The following CRPPA variants were observed in gnomAD, a reference collection of about 807,000 sequenced individuals.
CRPPA encodes D-ribitol-5-phosphate cytidylyltransferase.
In CRPPA, 43 loss-of-function variants were observed where a neutral mutation model predicts 52.0. The observed-to-expected ratio is 0.83, with a 90% CI of 0.65 to 1.07. The LOEUF (loss-of-function observed/expected upper bound fraction) is 1.07. CRPPA is among the 50% of genes least tolerant of loss of function. CRPPA has a pLI of 0.00. For synonymous variants in CRPPA, 250 were observed against 203.5 expected (o/e 1.23, Z -1.94); for missense variants, 629 against 551.7 (o/e 1.14, Z -1.40).
In CRPPA at chr7:16,259,001, G is replaced by A. The variant is rs1554300356; in HGVS notation, c.945C>T (p.Val315=). 1 of 1,608,224 alleles carries A rather than the reference G, an allele frequency of 6.2e-7. No homozygotes were observed. Among genetic ancestry groups the A allele is most frequent in the Non-Finnish European group, 8.5e-7 (1 of 1,176,738 alleles). The stretch of plus-strand genomic sequence containing the variant: ...CAGCATGACCCAGAGCCTCAGATGT[G>A]ACTTTTACATGCTAGTAGGAAAAAA... ...VLKSELNHVK[V]TSEALGHAGR... is the part of the protein sequence containing the mutation. The change falls in exon 7 of 10, where the codon GTC becomes GTT. Residue 315 remains valine (V), a synonymous_variant. Transcript: ENST00000407010.
chr7:16,231,253 C>G (rs964728915), intron 8 of CRPPA, among the ~76,000 whole-genome samples: 2 of 152,158 alleles, frequency 1.3e-5, no homozygotes, highest in African/African-American at 4.8e-5. Flanking sequence ...TACTACCATG[C>G]TACAGCTAGG....
At chr7:16,222,348 G>A (rs1276053102) in intron 8 of CRPPA, among the ~76,000 whole-genome samples, 1 of 147,290 alleles carries the variant, frequency 6.8e-6, no homozygotes, top group East Asian at 2.0e-4. Context: ...AATGCTAGAT[G>A]ACGAGTTAGT....
At chr7:16,233,930 C>T (rs866088136) in intron 8 of CRPPA, among the ~76,000 whole-genome samples, 1 of 151,924 alleles carries the variant, frequency 6.6e-6, no homozygotes, top group African/African-American at 2.4e-5. Context: ...CTGCTGGGTC[C>T]GTTTAATTGA....
intron 3 of CRPPA, among the ~76,000 whole-genome samples, chr7:16,340,662 C>A (rs1785801088): frequency 6.6e-6 from 1 of 150,460 alleles, no homozygotes; most frequent in Non-Finnish European, 1.5e-5. Context: ...TGGCAAGAAT[C>A]CAGAATAGTA....
intron 8 of CRPPA, among the ~76,000 whole-genome samples, chr7:16,245,081 T>C (rs1221812784): frequency 1.3e-5 from 2 of 151,920 alleles, no homozygotes; most frequent in East Asian, 3.9e-4. Context: ...AGGGCCTCTT[T>C]CTTGGTTTAA....
intron 9 of CRPPA, among the ~76,000 whole-genome samples, chr7:16,169,506 G>A (rs575288787): frequency 7.2e-5 from 11 of 152,144 alleles, no homozygotes; most frequent in South Asian, 2.1e-4. Flanking sequence ...CTGTTTTATC[G>A]TTTTACAACA....
At chr7:16,336,654 T>A in intron 3 of CRPPA, among the ~76,000 whole-genome samples, 1 of 150,632 alleles carries the variant, frequency 6.6e-6, no homozygotes. Context: ...ATAATTAGCT[T>A]GAATATAAAT....
At position 16,283,675 on chromosome 7, in the gene CRPPA, G is replaced by T. The variant is rs940407980; in HGVS notation, c.836-5449C>A. 5.9e-5 allele frequency among the ~76,000 whole-genome samples: 9 copies of T among 151,706 alleles called. No homozygotes were observed. The South Asian group carries it at 1.5e-3, about 25-fold the overall frequency. On this transcript the variant is annotated intron_variant, in intron 5 of 9. Coordinates refer to ENST00000407010, the MANE Select transcript of CRPPA (RefSeq NM_001101426.4). ...GTCTTTAATCTTCTGTGTGGCAATAGGAGGATGGTGAGTTTAGTGAGATAG... is the reference window on the plus strand; with the variant it reads ...GTCTTTAATCTTCTGTGTGGCAATATGAGGATGGTGAGTTTAGTGAGATAG...
At chr7:16,158,700 T>C (rs1783238622) in intron 9 of CRPPA, among the ~76,000 whole-genome samples, 1 of 152,190 alleles carries the variant, frequency 6.6e-6, no homozygotes, top group African/African-American at 2.4e-5. Context: ...ATAAAGATAC[T>C]CTTAAAACAG....
At chr7:16,250,405 C>A (rs947730352) in intron 8 of CRPPA, among the ~76,000 whole-genome samples, 7 of 151,892 alleles carry the variant, frequency 4.6e-5, no homozygotes, top group Admixed American at 2.6e-4. Flanking sequence ...AAAGAGCAAC[C>A]CCAAGACACA....
intron 2 of CRPPA, among the ~76,000 whole-genome samples, chr7:16,401,199 G>C (rs1332728176): frequency 2.0e-5 from 3 of 152,086 alleles, no homozygotes; most frequent in Non-Finnish European, 4.4e-5. Context: ...CATAAGCTCA[G>C]GTATAATCCA....
At chr7:16,329,589 C>G (rs1471329430) in intron 3 of CRPPA, among the ~76,000 whole-genome samples, 2 of 152,128 alleles carry the variant, frequency 1.3e-5, no homozygotes. Context: ...TTTTAAACTA[C>G]ATATGTGAAA....
chr7:16,177,778 G>A (rs1781332163), intron 9 of CRPPA, among the ~76,000 whole-genome samples: 2 of 151,982 alleles, frequency 1.3e-5, no homozygotes, highest in Non-Finnish European at 2.9e-5. Context: ...GTACACAGGA[G>A]CAAACAGCAA....
At chr7:16,305,559 G>C (rs1784889514) in intron 4 of CRPPA, among the ~76,000 whole-genome samples, 2 of 152,100 alleles carry the variant, frequency 1.3e-5, no homozygotes, top group Non-Finnish European at 2.9e-5. Context: ...CAAACTGGCA[G>C]ACTTCAAACA....
At chr7:16,150,381 G>T (rs148156026) in intron 9 of CRPPA, among the ~76,000 whole-genome samples, 1 of 151,792 alleles carries the variant, frequency 6.6e-6, no homozygotes, top group Admixed American at 6.6e-5. Flanking sequence ...AACATTAACC[G>T]AACAGCTATG....
chr7:16,322,672 C>A (rs1232390514), intron 3 of CRPPA, among the ~76,000 whole-genome samples: 1 of 151,968 alleles, frequency 6.6e-6, no homozygotes, highest in Non-Finnish European at 1.5e-5. Context: ...TTCTACAGAC[C>A]AGTGATTGGT....
intron 5 of CRPPA, among the ~76,000 whole-genome samples, chr7:16,299,330 G>A (rs150555138): frequency 4.7e-4 from 72 of 152,232 alleles, no homozygotes; most frequent in African/African-American, 1.7e-3. Flanking sequence ...GGAGAGCATC[G>A]TAAGACTTAA....
At chr7:16,286,449 G>A (rs1191220218) in intron 5 of CRPPA, among the ~76,000 whole-genome samples, 1 of 151,852 alleles carries the variant, frequency 6.6e-6, no homozygotes, top group Non-Finnish European at 1.5e-5. Flanking sequence ...AACTTACACG[G>A]GCAAATGTCT....
In CRPPA at chr7:16,341,442, G is replaced by A. The variant is rs143734590; in HGVS notation, c.685-32815C>T. ...AAGTCTTTAAAAAATAAACAATGTT[G>A]ACTTTTAATTGCCACTACTTCTTGC... On this transcript the variant is annotated intron_variant, in intron 3 of 9. Transcript: ENST00000407010. Among the ~76,000 whole-genome samples, 62 of 152,088 alleles carry A rather than the reference G, an allele frequency of 4.1e-4. 1 individual carries two copies. In the East Asian group the frequency reaches 0.011, roughly 28 times the overall value.
Sources: gnomAD v4.1 joint callset for allele counts (sites outside exome capture counted in the v4.1 genomes callset) on GRCh38, gnomAD v4.1.1 for gene constraint, MANE v1.5 for transcripts, NCBI Gene and HGNC (gene_info 2026-07-23, HGNC 2026-07-21) for gene names.